RPS6KC1: variants seen among roughly 807,000 people sequenced by gnomAD.
RPS6KC1 encodes ribosomal protein S6 kinase C1.
RPS6KC1 carries 54 observed loss-of-function variants against 103.8 expected under a neutral mutation model. The ratio of observed to expected loss-of-function variants is 0.52; its 90% CI spans 0.42 to 0.65. The LOEUF is 0.65. Among genes scored for constraint, RPS6KC1 ranks in the 30% least tolerant of loss-of-function variants. The pLI, the probability that RPS6KC1 is intolerant of heterozygous loss-of-function variation, is 0.00. For missense variants in RPS6KC1, 1,151 were observed against 1,253.8 expected (o/e 0.92, Z 1.24); for synonymous variants, 439 against 438.7 (o/e 1.00, Z -0.01).
At chr1:213,374,632 A>G in the RPS6KC1 span, among the ~76,000 whole-genome samples, 1 of 152,206 alleles carries the variant, frequency 6.6e-6, no homozygotes, top group Non-Finnish European at 1.5e-5. Flanking sequence ...TGACTTTGAG[A>G]AGCAAGGGAA....
the RPS6KC1 span, among the ~76,000 whole-genome samples, chr1:213,363,281 T>A: frequency 5.3e-5 from 8 of 152,246 alleles, no homozygotes; most frequent in Admixed American, 3.9e-4. Flanking sequence ...TCAGTTAGAA[T>A]TCACTCCTAT....
intron 4 of RPS6KC1, among the ~76,000 whole-genome samples, chr1:213,115,435 C>T (rs1230227517): frequency 2.0e-5 from 3 of 151,846 alleles, no homozygotes; most frequent in Non-Finnish European, 4.4e-5. Context: ...CTATTTGATT[C>T]TTCTCTCTTT....
intron 8 of RPS6KC1, among the ~76,000 whole-genome samples, chr1:213,182,335 T>G (rs2092311113): frequency 6.6e-6 from 1 of 151,902 alleles, no homozygotes; most frequent in Non-Finnish European, 1.5e-5. Flanking sequence ...CTACTAAAAA[T>G]ACAAAAATTA....
the RPS6KC1 span, among the ~76,000 whole-genome samples, chr1:213,741,994 G>A: frequency 1.3e-5 from 2 of 152,242 alleles, no homozygotes; most frequent in Middle Eastern, 3.4e-3. Flanking sequence ...CATGATGGTA[G>A]CTATCAAAAT....
the RPS6KC1 span, among the ~76,000 whole-genome samples, chr1:213,790,396 CAGAGTT>C: frequency 6.6e-6 from 1 of 152,082 alleles, no homozygotes; most frequent in East Asian, 1.9e-4. Flanking sequence ...CATAAGAAGA[CAGAGTT>C]AGAGGCACAA....
chr1:213,615,710 G>A, the RPS6KC1 span, among the ~76,000 whole-genome samples: 1 of 152,242 alleles, frequency 6.6e-6, no homozygotes, highest in Non-Finnish European at 1.5e-5. Flanking sequence ...GCTGCAGGAG[G>A]TGGCTGGAAC....
At chr1:213,854,520 CTTT>C in the RPS6KC1 span, among the ~76,000 whole-genome samples, 1 of 85,414 alleles carries the variant, frequency 1.2e-5, no homozygotes. Flanking sequence ...CTCTTTCTTT[CTTT>C]CTTTCTTTCT....
At chr1:213,394,197 A>T in the RPS6KC1 span, among the ~76,000 whole-genome samples, 13 of 152,238 alleles carry the variant, frequency 8.5e-5, no homozygotes, top group Middle Eastern at 6.8e-3. Context: ...GGATTCCTGG[A>T]GCCTGCCTGA....
At chr1:213,483,085 T>C in the RPS6KC1 span, among the ~76,000 whole-genome samples, 52,457 of 152,100 alleles carry the variant, frequency 0.34, 10,203 homozygotes, top group East Asian at 0.59. Context: ...TAAAAGTACC[T>C]TTTTAATTGT....
At chr1:213,529,052 A>T in the RPS6KC1 span, among the ~76,000 whole-genome samples, 1 of 152,222 alleles carries the variant, frequency 6.6e-6, no homozygotes, top group Non-Finnish European at 1.5e-5. Context: ...CTCATCCATG[A>T]GCAAAATCAG....
chr1:213,646,339 G>A, the RPS6KC1 span, among the ~76,000 whole-genome samples: 60 of 152,288 alleles, frequency 3.9e-4, no homozygotes, highest in African/African-American at 1.1e-3. Flanking sequence ...AAGAAGAGAC[G>A]GAAGAAATAG....
the RPS6KC1 span, among the ~76,000 whole-genome samples, chr1:213,531,633 G>A: frequency 1.3e-5 from 2 of 152,320 alleles, no homozygotes; most frequent in South Asian, 2.1e-4. Context: ...ACAGCTGGAC[G>A]AGCAAGGAAG....
the RPS6KC1 span, among the ~76,000 whole-genome samples, chr1:213,460,564 A>G: frequency 6.6e-6 from 1 of 152,032 alleles, no homozygotes; most frequent in Admixed American, 6.6e-5. Flanking sequence ...ATGTCTTTTA[A>G]TTGGGGCATT....
chr1:213,749,980 C>T, the RPS6KC1 span, among the ~76,000 whole-genome samples: 1 of 152,226 alleles, frequency 6.6e-6, no homozygotes, highest in South Asian at 2.1e-4. Flanking sequence ...GCTGCTTAGA[C>T]AAAGCCTGAC....
intron 3 of RPS6KC1, among the ~76,000 whole-genome samples, chr1:213,084,732 A>G (rs373896275): frequency 6.6e-5 from 10 of 152,178 alleles, no homozygotes; most frequent in African/African-American, 1.7e-4. Context: ...TTTTCATTAT[A>G]TTGGCATTTT....
At chr1:213,569,780 A>G in the RPS6KC1 span, among the ~76,000 whole-genome samples, 2 of 152,186 alleles carry the variant, frequency 1.3e-5, no homozygotes, top group South Asian at 4.1e-4. Flanking sequence ...TTCAGCCATC[A>G]TTCCCTCACT....
the RPS6KC1 span, among the ~76,000 whole-genome samples, chr1:213,410,975 G>A: frequency 1.4e-3 from 216 of 152,248 alleles, 2 homozygotes; most frequent in African/African-American, 4.9e-3. Context: ...AGGGATATGA[G>A]GCTGAAGCAA....
the RPS6KC1 span, among the ~76,000 whole-genome samples, chr1:213,656,750 T>A: frequency 6.6e-6 from 1 of 152,236 alleles, no homozygotes; most frequent in African/African-American, 2.4e-5. Context: ...CTTTTTTCTC[T>A]TTGTGCTTTG....
intron 8 of RPS6KC1, among the ~76,000 whole-genome samples, chr1:213,184,358 A>C (rs2092428764): frequency 2.0e-5 from 3 of 152,108 alleles, no homozygotes. Context: ...AAATAGCAAC[A>C]AAATCTAAAA....
Sources: gnomAD v4.1 joint callset for allele counts (sites outside exome capture counted in the v4.1 genomes callset) on GRCh38, gnomAD v4.1.1 for gene constraint, MANE v1.5 for transcripts, NCBI Gene and HGNC (gene_info 2026-07-23, HGNC 2026-07-21) for gene names.